FARP2: variants seen among roughly 807,000 people sequenced by gnomAD.
FARP2 encodes FERM, ARH/RhoGEF and pleckstrin domain protein 2, also known as FERM, ARHGEF and pleckstrin domain-containing protein 2.
In FARP2, 111 loss-of-function variants were observed where a neutral mutation model predicts 130.5. The ratio of observed to expected loss-of-function variants is 0.85; its 90% CI spans 0.73 to 1.00. FARP2 has a LOEUF of 1.00. Ranked by LOEUF, FARP2 falls within the 50% of genes least tolerant of loss-of-function variation. The pLI is 0.00. For missense variants in FARP2, 1,385 were observed against 1,346.3 expected (o/e 1.03, Z -0.45); for synonymous variants, 504 against 516.9 (o/e 0.98, Z 0.34).
intron 2 of FARP2, among the ~76,000 whole-genome samples, chr2:241,388,882 G>T (rs1009903877): frequency 6.6e-6 from 1 of 152,088 alleles, no homozygotes; most frequent in Non-Finnish European, 1.5e-5. Context: ...CAAAAGTTTT[G>T]TATTGAAGCC....
rs184998787 is a variant in FARP2 at position 241,405,817 on chromosome 2, T to C, written c.331+976T>C. Among the ~76,000 whole-genome samples, 1,093 of 152,014 alleles carry C rather than the reference T, an allele frequency of 7.2e-3. 5 individuals carry two copies. The highest frequency in any genetic ancestry group is 0.023 in the African/African-American group (963 of 41,422). On this transcript the variant is annotated intron_variant, in intron 4 of 26. Coordinates refer to ENST00000264042, the MANE Select transcript of FARP2 (RefSeq NM_014808.4). ...GGCGTGATGGCGCATGCCTATAATC[T>C]CAGCTACTCAGGAGGCTGAGGCAGG...
Position 241,436,532 on chromosome 2 carries a change from A to G in FARP2, c.1152A>G (p.Pro384=). ...TTCGAGCTCTGACTGCAGACCTACC[A>G]AAACAGGTTAGTCTCTTCCGGTTCA... ...TSVRALTADL[P]KQSISFPEGL... Residue 384 remains proline (P), a synonymous_variant, in exon 12 of 27, where the codon CCA becomes CCG. Transcript: ENST00000264042. 1 of 1,614,092 alleles carries G rather than the reference A, an allele frequency of 6.2e-7. No homozygotes were observed. The highest frequency in any genetic ancestry group is 8.5e-7 in the Non-Finnish European group (1 of 1,179,908).
chr2:241,431,577 G>A lies in FARP2; in HGVS notation c.772-102G>A. 4.4e-6 allele frequency: 3 copies of A among 676,670 alleles called. No individual in the cohort carries two copies. In the South Asian group the frequency reaches 5.2e-5, roughly 12 times the overall value. 41.9% of individuals were successfully genotyped at this position (676,670 alleles called of 1,614,324 possible). ...AGATATAATGGTAAAATGCCAAGTA[G>A]AGTGCTGTGTTGGCAAGGATGTAAT... On this transcript the variant is annotated intron_variant, in intron 8 of 26. Transcript: ENST00000264042.
Position 241,468,172 on chromosome 2 carries a change from G to T in FARP2, c.1926G>T (p.Glu642Asp). The change falls in exon 18 of 27, where the codon GAG becomes GAT. Residue 642 changes from glutamate (E) to aspartate (D), a missense_variant. Transcript: ENST00000264042. ...EFTSYFQRHD[E>D]VLTELEKATK... ...CCAGCTACTTCCAAAGACATGACGAGGTCCTAACAGAACTGGAAAAGGCTA... is the reference window on the plus strand; with the variant it reads ...CCAGCTACTTCCAAAGACATGACGATGTCCTAACAGAACTGGAAAAGGCTA... 6.2e-7 allele frequency: 1 copy of T among 1,613,950 alleles called. No homozygotes were observed. The highest frequency in any genetic ancestry group is 8.5e-7 in the Non-Finnish European group (1 of 1,179,882).
rs1040519372 is a variant in FARP2 at position 241,494,407 on chromosome 2, C to T, written c.*282C>T. On this transcript the variant is annotated 3_prime_UTR_variant, in exon 27 of 27. Transcript: ENST00000264042. The surrounding 1 kb of genome is among the most constrained non-coding windows in gnomAD (Gnocchi z 4.9). ...AGCTCCCAGGCCCCTGGCTCAAAGA[C>T]GCAGACAAGGCCTGAGCAGTGCTCT... The T allele has an allele frequency of 2.3e-5, 6 of 266,380 alleles. No individual in the cohort carries two copies. Among genetic ancestry groups the T allele is most frequent in the Admixed American group, 5.4e-5 (1 of 18,430 alleles). 16.5% of individuals were successfully genotyped at this position (266,380 alleles called of 1,614,324 possible). A position where few individuals can be genotyped will look rare whatever the true frequency, so the allele number is the denominator to read the frequency against.
chr2:241,463,863 A>G, intron 16 of FARP2, 36 bp from the exon 17 acceptor site: 2 of 1,572,486 alleles, frequency 1.3e-6, no homozygotes, highest in Non-Finnish European at 1.7e-6. Flanking sequence ...GCAAGCTTTC[A>G]CCATGTTTAG....
chr2:241,465,931 A>T, intron 17 of FARP2: 1 of 1,422,218 alleles, frequency 7.0e-7, no homozygotes, highest in East Asian at 2.5e-5. Flanking sequence ...TCCTGCCTCG[A>T]CGGAAGCTGA....
At position 241,494,051 on chromosome 2, in the gene FARP2, GC is replaced by G; in HGVS notation, c.3095del (p.Pro1032GlnfsTer73). 7.0e-7 allele frequency: 1 copy of G among 1,423,730 alleles called. No individual in the cohort carries two copies. The allele number at this position is 1,423,730 out of a possible 1,614,324, so 88.2% of individuals were successfully genotyped here. A position where few individuals can be genotyped will look rare whatever the true frequency, so the allele number is the denominator to read the frequency against. ...GGGGGCCAGCAGCTCAGCCGGGAGG[GC>G]CCCAAGCATCGTGCAGGATGGCCCC... The part of the protein sequence containing the change: ...IQGASSSAGR[A>X]PSIVQDGPQP... On this transcript the variant is annotated frameshift_variant, in exon 27 of 27. Transcript: ENST00000264042. LOFTEE classifies it low-confidence loss of function (END_TRUNC). The surrounding 1 kb of genome is among the most constrained non-coding windows in gnomAD (Gnocchi z 4.9).
intron 4 of FARP2, among the ~76,000 whole-genome samples, chr2:241,406,969 G>A (rs920805485): frequency 7.3e-5 from 11 of 151,714 alleles, no homozygotes; most frequent in Admixed American, 5.9e-4. Flanking sequence ...CACCACGCCC[G>A]GCTAATTTTT....
chr2:241,478,487 T>A (rs1389021487), intron 19 of FARP2: 1 of 303,440 alleles, frequency 3.3e-6, no homozygotes, highest in Admixed American at 4.2e-5. Context: ...GCAGATGCTG[T>A]GCCAGGACCT....
chr2:241,441,221 A>AAT, intron 12 of FARP2, 83 bp from the exon 13 acceptor site: 1 of 1,336,316 alleles, frequency 7.5e-7, no homozygotes, highest in South Asian at 1.4e-5. Flanking sequence ...GGATGCCCTA[A>AAT]GTTAGGCCAG....
chr2:241,397,297 C>T (rs1295096942), intron 2 of FARP2, among the ~76,000 whole-genome samples: 1 of 152,056 alleles, frequency 6.6e-6, no homozygotes, highest in Non-Finnish European at 1.5e-5. Flanking sequence ...AACTAACCTG[C>T]ACATTGTGCA....
chr2:241,357,327 T>C, intron 1 of FARP2, among the ~76,000 whole-genome samples: 1 of 151,728 alleles, frequency 6.6e-6, no homozygotes, highest in East Asian at 1.9e-4. Context: ...TGGTCTTGTG[T>C]AGACTGCCTT....
chr2:241,360,502 G>A (rs1041747399), intron 1 of FARP2, among the ~76,000 whole-genome samples: 3 of 151,856 alleles, frequency 2.0e-5, no homozygotes, highest in Non-Finnish European at 1.5e-5. Flanking sequence ...GAAACCCCCC[G>A]TCTCTACTAA....
intron 2 of FARP2, among the ~76,000 whole-genome samples, chr2:241,391,784 A>G (rs2061911051): frequency 6.6e-6 from 1 of 152,168 alleles, no homozygotes; most frequent in South Asian, 2.1e-4. Flanking sequence ...CTCTTGGGGA[A>G]GAACCCTTTT....
At chr2:241,404,944 G>A (rs1057474453) in intron 4 of FARP2, 103 bp downstream of exon 4, 3 of 839,476 alleles carry the variant, frequency 3.6e-6, no homozygotes, top group Admixed American at 2.0e-5. Context: ...ACCGTGTATG[G>A]TTAGCAAGAA....
At chr2:241,436,420 TA>T (rs2063231613) in intron 11 of FARP2, 60 bp from the exon 12 acceptor site, 4 of 1,494,328 alleles carry the variant, frequency 2.7e-6, no homozygotes, top group Admixed American at 3.3e-5. Context: ...CTTGCTGCTT[TA>T]AAAACAGGCG....
At position 241,493,919 on chromosome 2, in the gene FARP2, G is replaced by A. The variant is rs2065029806; in HGVS notation, c.3048-89G>A. On this transcript the variant is annotated intron_variant, in intron 26 of 26. Transcript: ENST00000264042. ...GCCCCAGGTTTTTAACCCTTCTTTT[G>A]TCCTGCTTGTCCCATATCCTGGGTT... 7.2e-6 allele frequency: 6 copies of A among 829,074 alleles called. 1 individual carries two copies. In the Admixed American group the frequency reaches 1.2e-4, roughly 16 times the overall value. 51.4% of individuals were successfully genotyped at this position (829,074 alleles called of 1,614,324 possible).
intron 17 of FARP2, among the ~76,000 whole-genome samples, chr2:241,464,212 T>TC (rs374446843): frequency 7.1e-6 from 1 of 140,902 alleles, no homozygotes; most frequent in African/African-American, 2.7e-5. Context: ...CAGAATAGGA[T>TC]CCCCCCCAGA....
Sources: allele counts gnomAD v4.1 joint callset (sites outside exome capture counted in the v4.1 genomes callset), GRCh38; gene constraint gnomAD v4.1.1; non-coding constraint Gnocchi (gnomAD v3.1); transcripts MANE v1.5; gene names NCBI Gene and HGNC (gene_info 2026-07-23, HGNC 2026-07-21).